Variants in TMEM135 observed in about 807,000 individuals in gnomAD.
The protein encoded by TMEM135 is peroxisomal membrane protein 52.
TMEM135 carries 30 observed loss-of-function variants against 60.3 expected under a neutral mutation model. The observed-to-expected ratio is 0.50, with a 90% CI of 0.37 to 0.68. The LOEUF is 0.68. Ranked by LOEUF, TMEM135 falls within the 30% of genes least tolerant of loss-of-function variation. The probability of loss-of-function intolerance (pLI) is 0.00; values close to 1 mark genes in which losing one functional copy is unlikely to be tolerated. For synonymous variants in TMEM135, 190 were observed against 186.7 expected, an observed-to-expected ratio of 1.02 and a Z score of -0.14; for missense variants, 468 against 548.8, an observed-to-expected ratio of 0.85 and a Z score of 1.47.
intron 2 of TMEM135, among the ~76,000 whole-genome samples, chr11:87,069,032 G>T (rs111299786): frequency 2.1e-5 from 3 of 140,722 alleles, no homozygotes; most frequent in African/African-American, 8.1e-5. Flanking sequence ...GGCCGGGCGC[G>T]GTGGCTCACG....
intron 6 of TMEM135, among the ~76,000 whole-genome samples, chr11:87,240,697 G>A (rs1340998091): frequency 6.6e-6 from 1 of 152,012 alleles, no homozygotes; most frequent in South Asian, 2.1e-4. Context: ...CCCACCATTA[G>A]GTATCTGTCT....
At chr11:87,057,288 T>A (rs2445535) in intron 1 of TMEM135, among the ~76,000 whole-genome samples, 49,786 of 152,048 alleles carry the variant, frequency 0.33, 9,964 homozygotes, top group East Asian at 0.58. Flanking sequence ...TTAATGGTCA[T>A]CGCTAAAGTT....
At chr11:87,083,871 A>G (rs1422859789) in intron 3 of TMEM135, among the ~76,000 whole-genome samples, 2 of 152,108 alleles carry the variant, frequency 1.3e-5, no homozygotes, top group African/African-American at 2.4e-5. Flanking sequence ...ATTAAATAGC[A>G]TTTCTTAATA....
At chr11:87,075,714 A>G (rs1186322362) in intron 3 of TMEM135, among the ~76,000 whole-genome samples, 1 of 152,158 alleles carries the variant, frequency 6.6e-6, no homozygotes, top group Non-Finnish European at 1.5e-5. Flanking sequence ...TTATTTCTTC[A>G]TGGAATTGGT....
intron 6 of TMEM135, among the ~76,000 whole-genome samples, chr11:87,274,844 A>ATG (rs1259774865): frequency 6.8e-6 from 1 of 146,304 alleles, no homozygotes; most frequent in Non-Finnish European, 1.5e-5. Flanking sequence ...ATATTTATAT[A>ATG]TGTGTGTATA....
intron 5 of TMEM135, among the ~76,000 whole-genome samples, chr11:87,219,175 A>C (rs570261596): frequency 1.3e-5 from 2 of 152,336 alleles, no homozygotes; most frequent in Admixed American, 1.3e-4. Flanking sequence ...CAGTTTGAGT[A>C]CTGGAAATTA....
intron 6 of TMEM135, among the ~76,000 whole-genome samples, chr11:87,248,248 C>G (rs1174612433): frequency 6.6e-6 from 1 of 152,100 alleles, no homozygotes; most frequent in Non-Finnish European, 1.5e-5. Flanking sequence ...TATTGTAGTT[C>G]TATTTTTAGT....
chr11:87,103,995 C>A (rs2445547), intron 4 of TMEM135, among the ~76,000 whole-genome samples: 82,763 of 151,462 alleles, frequency 0.55, 23,387 homozygotes, highest in East Asian at 0.7. Context: ...TTCATACCCC[C>A]AAAAAAATTG....
intron 4 of TMEM135, among the ~76,000 whole-genome samples, chr11:87,110,692 TG>T (rs1396308742): frequency 6.6e-6 from 1 of 152,226 alleles, no homozygotes; most frequent in African/African-American, 2.4e-5. Context: ...TTTAAAGAAA[TG>T]TTTTTTTCGT....
At chr11:87,072,362 C>A (rs570673255) in intron 3 of TMEM135, among the ~76,000 whole-genome samples, 1 of 152,176 alleles carries the variant, frequency 6.6e-6, no homozygotes, top group Non-Finnish European at 1.5e-5. Flanking sequence ...GATCTCAAAT[C>A]AATTATTATT....
At chr11:87,247,094 T>C (rs1941296860) in intron 6 of TMEM135, among the ~76,000 whole-genome samples, 1 of 150,584 alleles carries the variant, frequency 6.6e-6, no homozygotes, top group South Asian at 2.1e-4. Context: ...GCTGCAGGTC[T>C]GTTGGAGTTT....
intron 6 of TMEM135, among the ~76,000 whole-genome samples, chr11:87,269,435 G>C (rs945468769): frequency 3.3e-5 from 5 of 151,426 alleles, no homozygotes; most frequent in Non-Finnish European, 5.9e-5. Flanking sequence ...ATGCTGGTGT[G>C]CTGCACCCAT....
intron 3 of TMEM135, among the ~76,000 whole-genome samples, chr11:87,076,159 A>G (rs1225735525): frequency 1.3e-5 from 2 of 152,216 alleles, no homozygotes; most frequent in Admixed American, 6.5e-5. Context: ...GGCAGGTCCA[A>G]AGATATTGTC....
chr11:87,173,326 C>T (rs912395573), intron 5 of TMEM135, among the ~76,000 whole-genome samples: 1 of 152,126 alleles, frequency 6.6e-6, no homozygotes, highest in African/African-American at 2.4e-5. Flanking sequence ...TGATGCGTGG[C>T]ACTGGAATCA....
At chr11:87,184,530 G>A (rs1287026762) in intron 5 of TMEM135, among the ~76,000 whole-genome samples, 1 of 152,154 alleles carries the variant, frequency 6.6e-6, no homozygotes, top group Admixed American at 6.5e-5. Flanking sequence ...AGCTCATATA[G>A]TAAATGAAGG....
chr11:87,321,809 A>G lies in TMEM135; in HGVS notation c.*476A>G. 1 of 454,466 alleles carries G rather than the reference A, an allele frequency of 2.2e-6. No individual in the cohort carries two copies. The highest frequency in any genetic ancestry group is 4.4e-6 in the Non-Finnish European group (1 of 226,792). 28.2% of individuals were successfully genotyped at this position (454,466 alleles called of 1,614,324 possible). On this transcript the variant is annotated 3_prime_UTR_variant, in exon 15 of 15. Transcript: ENST00000305494. The stretch of plus-strand genomic sequence containing the variant: ...TTTGAATTGGTATCTGTAGTAGTGG[A>G]ATGTTATAGATTTGAAGTAACTCTC...
chr11:87,280,722 C>T (rs1273892947), intron 6 of TMEM135, among the ~76,000 whole-genome samples: 1 of 152,102 alleles, frequency 6.6e-6, no homozygotes, highest in Non-Finnish European at 1.5e-5. Flanking sequence ...TTCCTGAAGC[C>T]ATCGGCAATG....
chr11:87,290,440 A>G (rs1942244495), intron 6 of TMEM135, among the ~76,000 whole-genome samples: 1 of 152,186 alleles, frequency 6.6e-6, no homozygotes, highest in East Asian at 1.9e-4. Flanking sequence ...AGTGTTTGCT[A>G]TAGAAGTCAC....
intron 3 of TMEM135, among the ~76,000 whole-genome samples, chr11:87,075,231 T>G (rs909610918): frequency 1.4e-4 from 22 of 152,118 alleles, no homozygotes; most frequent in African/African-American, 5.1e-4. Context: ...CCATCTCTGT[T>G]CACTGCAAGC....
Sources: allele counts gnomAD v4.1 joint callset (sites outside exome capture counted in the v4.1 genomes callset), GRCh38; gene constraint gnomAD v4.1.1; transcripts MANE v1.5; gene names NCBI Gene and HGNC (gene_info 2026-07-23, HGNC 2026-07-21).